Variants in RPL31 observed in about 807,000 individuals in gnomAD.
RPL31 encodes the protein large ribosomal subunit protein eL31.
For synonymous variants in RPL31, 51 were observed against 55.0 expected (o/e 0.93, Z 0.32); for missense variants, 95 against 164.0 (o/e 0.58, Z 2.30).
intron 1 of RPL31, 172 bp downstream of exon 1, chr2:101,002,487 C>G (rs1558956933): frequency 1.7e-6 from 1 of 591,632 alleles, no homozygotes; most frequent in Non-Finnish European, 3.1e-6. Context: ...AGAAAGTGAC[C>G]AGGCTTAGGG....
chr2:101,011,393 TGC>T, downstream of RPL31: 1 of 1,563,396 alleles, frequency 6.4e-7, no homozygotes. Flanking sequence ...GCAACCCCGG[TGC>T]CTCCCGCCAC....
At chr2:101,005,715 C>T (rs1678703840) in intron 3 of RPL31, 1 of 521,498 alleles carries the variant, frequency 1.9e-6, no homozygotes, top group South Asian at 2.5e-5. Context: ...TTAGGATTAA[C>T]CGGTTGGGTA....
chr2:101,019,107 A>T (rs1446692197), exon 5 of RPL31: 36 of 1,566,150 alleles, frequency 2.3e-5, no homozygotes, highest in Non-Finnish European at 3.0e-5. Flanking sequence ...GCTGCAGCAG[A>T]TGCCTTTACA....
downstream of RPL31, chr2:101,007,720 G>T (rs534117694): frequency 3.2e-5 from 40 of 1,249,904 alleles, no homozygotes; most frequent in South Asian, 3.3e-4. Flanking sequence ...TGCCCCATTG[G>T]TAAGGTAGAC....
chr2:101,010,062 G>A (rs1016446605), downstream of RPL31, among the ~76,000 whole-genome samples: 5 of 151,836 alleles, frequency 3.3e-5, no homozygotes, highest in East Asian at 1.9e-4. Flanking sequence ...TTCTGACCTC[G>A]TAATCCACCC....
In RPL31 at chr2:101,004,288, T is replaced by A; in HGVS notation, c.233+5T>A. 1 of 1,613,888 alleles carries A rather than the reference T, an allele frequency of 6.2e-7. No homozygotes were observed. ...TGTCTGGGCCAAAGGAATAAGGTGCTAAAGTTATCTGTATTCGAAGGTGAA... is the reference window on the plus strand; with the variant it reads ...TGTCTGGGCCAAAGGAATAAGGTGCAAAAGTTATCTGTATTCGAAGGTGAA... On this transcript the variant is annotated splice_donor_5th_base_variant and intron_variant, in intron 3 of 4. Coordinates refer to ENST00000264258, the MANE Select transcript of RPL31 (RefSeq NM_000993.5).
intron 2 of RPL31, among the ~76,000 whole-genome samples, 153 bp downstream of exon 2, chr2:101,002,961 C>T (rs934100381): frequency 4.6e-5 from 7 of 152,250 alleles, no homozygotes; most frequent in Non-Finnish European, 1.0e-4. Context: ...GCTCTACCCT[C>T]CGAATACATT....
At chr2:101,009,137 T>C (rs1338290196), downstream of RPL31, among the ~76,000 whole-genome samples, 2 of 152,156 alleles carry the variant, frequency 1.3e-5, no homozygotes, top group Admixed American at 1.3e-4. Flanking sequence ...CTCATGCCTG[T>C]AATCCCAGCA....
At chr2:101,009,967 G>A (rs557491876), downstream of RPL31, among the ~76,000 whole-genome samples, 11 of 151,676 alleles carry the variant, frequency 7.3e-5, no homozygotes, top group African/African-American at 2.7e-4. Context: ...GACTACAGGC[G>A]CCCGCCACCA....
chr2:101,007,898 T>C (rs750820193), downstream of RPL31: 3 of 1,614,036 alleles, frequency 1.9e-6, no homozygotes, highest in Admixed American at 1.7e-5. Context: ...TGATTGATCT[T>C]GGCATTTTCA....
intron 4 of RPL31, among the ~76,000 whole-genome samples, chr2:101,013,179 C>A (rs1196953206): frequency 1.3e-5 from 2 of 152,190 alleles, no homozygotes; most frequent in Non-Finnish European, 2.9e-5. Flanking sequence ...GGCCAAACAA[C>A]TCTCAGAGCA....
downstream of RPL31, among the ~76,000 whole-genome samples, chr2:101,010,154 A>G (rs1679096792): frequency 1.3e-5 from 2 of 152,280 alleles, no homozygotes; most frequent in East Asian, 1.9e-4. Flanking sequence ...TTTCCTAAAC[A>G]TTGGGAGGAA....
At chr2:101,010,809 G>C, downstream of RPL31, 1 of 739,978 alleles carries the variant, frequency 1.4e-6, no homozygotes, top group Non-Finnish European at 2.2e-6. Flanking sequence ...TTGAACCCTG[G>C]AGGTGGAGGT....
downstream of RPL31, among the ~76,000 whole-genome samples, chr2:101,010,211 A>G (rs1191887958): frequency 6.6e-6 from 1 of 152,100 alleles, no homozygotes; most frequent in Non-Finnish European, 1.5e-5. Context: ...ATATGGCACA[A>G]CCCTTTTCTG....
downstream of RPL31, among the ~76,000 whole-genome samples, chr2:101,009,093 T>C (rs752983800): frequency 1.1e-4 from 16 of 151,804 alleles, no homozygotes; most frequent in Non-Finnish European, 2.2e-4. Context: ...ACTCCAAGAA[T>C]AGAAAAATGG....
At chr2:101,011,517 T>C (rs1478596818), downstream of RPL31, 1 of 1,613,970 alleles carries the variant, frequency 6.2e-7, no homozygotes, top group African/African-American at 1.3e-5. Context: ...GGCGACTGGC[T>C]GTCTCGGTCA....
downstream of RPL31, among the ~76,000 whole-genome samples, chr2:101,009,827 CT>C (rs1202991001): frequency 1.9e-4 from 23 of 121,874 alleles, no homozygotes; most frequent in East Asian, 1.8e-3. Flanking sequence ...GGAGCTTTTT[CT>C]TTTTTTTTTT....
chr2:101,004,027 C>G, intron 2 of RPL31, 131 bp from the exon 3 acceptor site: 1 of 976,518 alleles, frequency 1.0e-6, no homozygotes, highest in Non-Finnish European at 1.5e-6. Flanking sequence ...GCTGTAAAAA[C>G]TTGGTTTTGT....
chr2:101,012,635 A>C (rs949059499), intron 4 of RPL31, among the ~76,000 whole-genome samples: 1 of 152,204 alleles, frequency 6.6e-6, no homozygotes, highest in Non-Finnish European at 1.5e-5. Context: ...CAAAAAAAAA[A>C]AAACCCATTG....
Sources: gnomAD v4.1 joint callset for allele counts (sites outside exome capture counted in the v4.1 genomes callset) on GRCh38, gnomAD v4.1.1 for gene constraint, MANE v1.5 for transcripts, NCBI Gene and HGNC (gene_info 2026-07-23, HGNC 2026-07-21) for gene names.